CPE: variants seen among roughly 807,000 people sequenced by gnomAD.
CPE encodes the protein carbocypeptidase E.
A neutral mutation model predicts 53.5 loss-of-function variants in CPE; 17 were observed. The ratio of observed to expected loss-of-function variants is 0.32; its 90% CI spans 0.22 to 0.48. CPE has a LOEUF of 0.48. Ranked by LOEUF, CPE falls within the 20% of genes least tolerant of loss-of-function variation. CPE has a pLI of 0.99. For synonymous variants in CPE, 226 were observed against 228.8 expected (o/e 0.99, Z 0.11); for missense variants, 524 against 614.7 (o/e 0.85, Z 1.56).
chr4:165,450,337 C>G (rs1351141642), intron 1 of CPE, among the ~76,000 whole-genome samples: 1 of 152,046 alleles, frequency 6.6e-6, no homozygotes, highest in Non-Finnish European at 1.5e-5. Flanking sequence ...TTTCATTACT[C>G]TTCTTCATTG....
chr4:165,478,331 A>T (rs3775316), intron 3 of CPE, among the ~76,000 whole-genome samples: 2 of 151,984 alleles, frequency 1.3e-5, no homozygotes, highest in African/African-American at 2.4e-5. Flanking sequence ...ATTTAGTCAG[A>T]CTAAAAGATT....
chr4:165,385,797 T>G (rs1730582412), intron 1 of CPE, among the ~76,000 whole-genome samples: 1 of 152,184 alleles, frequency 6.6e-6, no homozygotes, highest in Non-Finnish European at 1.5e-5. Context: ...GCCAAATAAA[T>G]CTACGGCAAT....
chr4:165,474,372 T>C (rs1732260114), intron 3 of CPE, among the ~76,000 whole-genome samples: 1 of 152,166 alleles, frequency 6.6e-6, no homozygotes, highest in Non-Finnish European at 1.5e-5. Flanking sequence ...GGGAGTCAAA[T>C]GTTTCTGTTT....
chr4:165,398,527 A>C lies in CPE; in HGVS notation c.307+18999A>C, dbSNP rs957853137. On this transcript the variant is annotated intron_variant, in intron 1 of 8. Transcript: ENST00000402744. ...GAAAGTTAGAAACTGAGAGTAAATA[A>C]ACATTTAAAAATGGAGAGGCAAGTG... 9.8e-5 allele frequency among the ~76,000 whole-genome samples: 15 copies of C among 152,326 alleles called. No homozygotes were observed. The South Asian group carries it at 2.3e-3, about 23-fold the overall frequency.
At chr4:165,481,264 C>T (rs558031501) in intron 3 of CPE, among the ~76,000 whole-genome samples, 1 of 152,220 alleles carries the variant, frequency 6.6e-6, no homozygotes, top group Non-Finnish European at 1.5e-5. Flanking sequence ...CAGATTCCTC[C>T]TTGTGAAATG....
chr4:165,405,200 A>G (rs765394140), intron 1 of CPE: 44 of 782,082 alleles, frequency 5.6e-5, no homozygotes, highest in Non-Finnish European at 8.3e-5. Context: ...ATCTTTAAGT[A>G]TAGTCTTTCG....
intron 1 of CPE, among the ~76,000 whole-genome samples, chr4:165,451,779 T>C (rs2126692431): frequency 1.3e-5 from 2 of 152,182 alleles, no homozygotes; most frequent in South Asian, 4.2e-4. Context: ...CGTGAGCCAC[T>C]GTGCTCGGCC....
At chr4:165,432,944 A>C (rs1731437580) in intron 1 of CPE, among the ~76,000 whole-genome samples, 1 of 152,126 alleles carries the variant, frequency 6.6e-6, no homozygotes, top group South Asian at 2.1e-4. Flanking sequence ...TCCACCGCCA[A>C]CCTAGTCCAA....
chr4:165,423,864 A>G (rs996669951), intron 1 of CPE, among the ~76,000 whole-genome samples: 1 of 141,112 alleles, frequency 7.1e-6, no homozygotes, highest in Non-Finnish European at 1.5e-5. Flanking sequence ...TCATTGTTCA[A>G]TTCCCACCTA....
At chr4:165,479,094 C>A (rs1732355502) in intron 3 of CPE, among the ~76,000 whole-genome samples, 1 of 152,098 alleles carries the variant, frequency 6.6e-6, no homozygotes, top group East Asian at 1.9e-4. Flanking sequence ...AAAATAAATT[C>A]AATAGTAAAA....
At chr4:165,465,510 T>G (rs1732081246) in intron 2 of CPE, among the ~76,000 whole-genome samples, 1 of 152,136 alleles carries the variant, frequency 6.6e-6, no homozygotes, top group Admixed American at 6.5e-5. Context: ...CTTATAGATT[T>G]TTATCCCTCA....
chr4:165,410,398 T>G (rs1731023665), intron 1 of CPE, among the ~76,000 whole-genome samples: 1 of 152,216 alleles, frequency 6.6e-6, no homozygotes, highest in African/African-American at 2.4e-5. Context: ...TGTTCACAGC[T>G]GTGCCCAAAG....
At chr4:165,447,508 T>C (rs1194196274) in intron 1 of CPE, among the ~76,000 whole-genome samples, 8 of 151,528 alleles carry the variant, frequency 5.3e-5, no homozygotes, top group Admixed American at 4.0e-4. Context: ...GAGGCAGAGG[T>C]TGAGGTGAGC....
intron 1 of CPE, among the ~76,000 whole-genome samples, chr4:165,413,069 A>G (rs1731065755): frequency 6.6e-6 from 1 of 152,178 alleles, no homozygotes; most frequent in Admixed American, 6.5e-5. Flanking sequence ...CTAGCTCTAC[A>G]GGGCTTTTCT....
At chr4:165,381,396 GC>G in intron 1 of CPE, 1 of 441,286 alleles carries the variant, frequency 2.3e-6, no homozygotes, top group Non-Finnish European at 4.5e-6. Context: ...TACTGAATAT[GC>G]AGTGTGGAAA....
At chr4:165,418,119 G>A (rs776659467) in intron 1 of CPE, 1 of 152,136 alleles carries the variant, frequency 6.6e-6, no homozygotes, top group Non-Finnish European at 1.5e-5. Context: ...ATTTAATAAG[G>A]GTGTTGTTTA....
At chr4:165,492,493 G>A (rs902343134) in intron 6 of CPE, among the ~76,000 whole-genome samples, 2 of 152,168 alleles carry the variant, frequency 1.3e-5, no homozygotes, top group African/African-American at 4.8e-5. Context: ...GTTAAAGAAG[G>A]AAGGGCTTTA....
intron 1 of CPE, among the ~76,000 whole-genome samples, chr4:165,422,316 T>C (rs982780046): frequency 6.6e-6 from 1 of 151,262 alleles, no homozygotes; most frequent in African/African-American, 2.4e-5. Flanking sequence ...TTTATTATTT[T>C]TTAAATATAT....
At chr4:165,496,073 C>T (rs1732701206) in intron 8 of CPE, among the ~76,000 whole-genome samples, 1 of 151,944 alleles carries the variant, frequency 6.6e-6, no homozygotes, top group South Asian at 2.1e-4. Flanking sequence ...ACTTATTTAG[C>T]ATATTTTATG....
Sources: allele counts gnomAD v4.1 joint callset (sites outside exome capture counted in the v4.1 genomes callset), GRCh38; gene constraint gnomAD v4.1.1; transcripts MANE v1.5; gene names NCBI Gene and HGNC (gene_info 2026-07-23, HGNC 2026-07-21).